Variants in KDM5C observed in about 807,000 individuals in gnomAD.
KDM5C encodes the protein lysine-specific demethylase 5C.
In KDM5C, 16 loss-of-function variants were observed where a neutral mutation model predicts 110.6. The ratio of observed to expected loss-of-function variants is 0.14; its 90% CI spans 0.10 to 0.22. The LOEUF is 0.22. Ranked by LOEUF, KDM5C falls within the 10% of genes least tolerant of loss-of-function variation. The probability of loss-of-function intolerance (pLI) is 1.00; values close to 1 mark genes in which losing one functional copy is unlikely to be tolerated. For missense variants in KDM5C, 681 were observed against 1,300.9 expected (o/e 0.52, Z 7.33); for synonymous variants, 511 against 520.4 (o/e 0.98, Z 0.24).
In KDM5C at chrX:53,218,411, T is replaced by C. The variant is rs373102986; in HGVS notation, c.229-13A>G. 5.8e-6 allele frequency: 7 copies of C among 1,210,423 alleles called. No homozygotes were observed. The highest frequency in any genetic ancestry group is 3.0e-5 in the East Asian group (1 of 33,820). On this transcript the variant is annotated splice_polypyrimidine_tract_variant and intron_variant, in intron 2 of 25. Transcript: ENST00000375401. ...CTCTCGTCTGGGCCTGAAGAAGAAATGGCTCAAAGAGGCTGGCCACCCCCT... is the reference window on the plus strand; with the variant it reads ...CTCTCGTCTGGGCCTGAAGAAGAAACGGCTCAAAGAGGCTGGCCACCCCCT...
Position 53,210,788 on chromosome X carries a change from T to C in KDM5C, c.1471A>G (p.Asn491Asp). ...ACCTTCATGCCAGAGATATCTGCATTGATGTGGCACAGTACAGACTGTTCC... is the reference window on the plus strand; with the variant it reads ...ACCTTCATGCCAGAGATATCTGCATCGATGTGGCACAGTACAGACTGTTCC... ...VLEQSVLCHINADISGMKVPW... is the reference protein window; with the variant it reads ...VLEQSVLCHIDADISGMKVPW... The change falls in exon 11 of 26, where the codon AAT becomes GAT. Residue 491 changes from asparagine to aspartate, a missense_variant. Physicochemically the swap from Asn to Asp is conservative, Grantham distance 23 (BLOSUM62 1). Coordinates refer to ENST00000375401, the MANE Select transcript of KDM5C (RefSeq NM_004187.5). 8.3e-7 allele frequency: 1 copy of C among 1,211,013 alleles called. No homozygotes were observed. Among genetic ancestry groups the C allele is most frequent in the Non-Finnish European group, 1.1e-6 (1 of 894,743 alleles).
chrX:53,196,185 G>T, intron 19 of KDM5C, 131 bp from the exon 20 acceptor site: 1 of 750,495 alleles, frequency 1.3e-6, no homozygotes, highest in Non-Finnish European at 2.0e-6. Flanking sequence ...GGGCCTACTT[G>T]CTTGTATTCC....
chrX:53,186,872 T>G (rs1316014919), downstream of KDM5C, among the ~76,000 whole-genome samples: 1 of 112,012 alleles, frequency 8.9e-6, no homozygotes, highest in Non-Finnish European at 1.9e-5. Flanking sequence ...GTGAAGGACT[T>G]GGAAATAACA....
chrX:53,194,763 A>C, intron 22 of KDM5C, 25 bp from the exon 23 acceptor site: 1 of 1,208,961 alleles, frequency 8.3e-7, no homozygotes, highest in Admixed American at 2.2e-5. Flanking sequence ...ACAGGAGCAA[A>C]GTGGGTCAGC....
intron 1 of KDM5C, among the ~76,000 whole-genome samples, chrX:53,223,405 C>T (rs1346534508): frequency 9.0e-6 from 1 of 110,964 alleles, no homozygotes; most frequent in Non-Finnish European, 1.9e-5. Flanking sequence ...ATTCGCTTAC[C>T]CAACACCTCC....
Position 53,192,881 on chromosome X carries a change from C to CCCCCCCCA in KDM5C, c.*85_*86insTGGGGGGG. On this transcript the variant is annotated 3_prime_UTR_variant, in exon 26 of 26. Transcript: ENST00000375401. ...TGGCCACCCCCCTACCCGCCCACCC[C>CCCCCCCCA]CCAAGAAGCAGGCTTGATGGTCAGA... is the stretch of plus-strand genomic sequence containing the variant. 9.5e-7 allele frequency: 1 copy of CCCCCCCCA among 1,054,422 alleles called. No individual in the cohort carries two copies. The highest frequency in any genetic ancestry group is 1.2e-6 in the Non-Finnish European group (1 of 802,807). 86.9% of individuals were successfully genotyped at this position (1,054,422 alleles called of 1,213,427 possible).
At position 53,198,516 on chromosome X, in the gene KDM5C, C is replaced by A; in HGVS notation, c.2490G>T (p.Leu830=). The A allele has an allele frequency of 8.3e-7, 1 of 1,205,996 alleles. No individual in the cohort carries two copies. Among genetic ancestry groups the A allele is most frequent in the Admixed American group, 2.2e-5 (1 of 45,325 alleles). The stretch of plus-strand genomic sequence containing the variant: ...CAGCTTCCTGGCCGCTGACCAGTCC[C>A]AGAGCTCGGGACACGCAAGCCTCTG... ...SEAEACVSRA[L]GLVSGQEAGP... The change falls in exon 17 of 26, where the codon CTG becomes CTT. Residue 830 remains leucine, a synonymous_variant. Transcript: ENST00000375401.
At position 53,201,465 on chromosome X, in the gene KDM5C, G is replaced by C. The variant is rs782351745; in HGVS notation, c.2061+85C>G. 4.4e-6 allele frequency: 4 copies of C among 912,451 alleles called. No homozygotes were observed. The East Asian group carries it at 1.2e-4, about 28-fold the overall frequency. 75.2% of individuals were successfully genotyped at this position (912,451 alleles called of 1,213,427 possible). On this transcript the variant is annotated intron_variant, in intron 14 of 25. Transcript: ENST00000375401. ...TAGTTCTTTTCACTATACGCCAAGA[G>C]TAGAGGCTACATCTTCTTGGTGCTG... is the stretch of plus-strand genomic sequence containing the variant.
chrX:53,190,168 G>C (rs1387039563), downstream of KDM5C, among the ~76,000 whole-genome samples: 1 of 112,519 alleles, frequency 8.9e-6, no homozygotes, highest in African/African-American at 3.2e-5. Context: ...CCTTTCTAGG[G>C]GAGTATCTGG....
chrX:53,194,292 A>G lies in KDM5C; in HGVS notation c.3885T>C (p.Ala1295=), dbSNP rs1934658440. 2 of 1,212,231 alleles carry G rather than the reference A, an allele frequency of 1.6e-6. No individual in the cohort carries two copies. ...GAGCAGTCACATCTTCAGAGGCCAGAGCCTGCCTGGCGCGGCCTTGCCAGC... is the reference window on the plus strand; with the variant it reads ...GAGCAGTCACATCTTCAGAGGCCAGGGCCTGCCTGGCGCGGCCTTGCCAGC... ...AISWQGRARQ[A]LASEDVTALL... The change falls in exon 23 of 26, where the codon GCT becomes GCC. Residue 1295 remains alanine (A), a synonymous_variant. Transcript: ENST00000375401.
At chrX:53,218,065 T>C (rs2073797340) in intron 3 of KDM5C, 99 bp from the exon 4 acceptor site, 3 of 949,143 alleles carry the variant, frequency 3.2e-6, no homozygotes, top group Admixed American at 2.5e-5. Context: ...AGGGCAACTC[T>C]AGTCCCTCAC....
intron 22 of KDM5C, 25 bp downstream of exon 22, chrX:53,194,906 C>T (rs1934719371): frequency 8.3e-7 from 1 of 1,210,190 alleles, no homozygotes; most frequent in Admixed American, 2.2e-5. Flanking sequence ...AAGCCCTTCT[C>T]CCCATCTGTG....
At chrX:53,194,821 C>T in intron 22 of KDM5C, 83 bp from the exon 23 acceptor site, 1 of 1,195,107 alleles carries the variant, frequency 8.4e-7, no homozygotes, top group Non-Finnish European at 1.1e-6. Context: ...CCCCCACTCC[C>T]AAACCAGGAG....
intron 1 of KDM5C, among the ~76,000 whole-genome samples, chrX:53,224,479 A>G (rs1334211712): frequency 8.9e-6 from 1 of 111,860 alleles, no homozygotes; most frequent in Non-Finnish European, 1.9e-5. Context: ...CCTCCGGCCC[A>G]CTAGGAATCC....
rs112752377 is a variant in KDM5C at position 53,220,442 on chromosome X, C to A, written c.228+397G>T. On this transcript the variant is annotated intron_variant, in intron 2 of 25. Transcript: ENST00000375401. ...ACCCATGGAAGCAAAGTAGAAAGCACAGGGCTGTGGATGAATTGGATATAT... is the reference window on the plus strand; with the variant it reads ...ACCCATGGAAGCAAAGTAGAAAGCAAAGGGCTGTGGATGAATTGGATATAT... Among the ~76,000 whole-genome samples the A allele has an allele frequency of 9.5e-3, 1,064 of 112,255 alleles. 5 individuals carry two copies. Among genetic ancestry groups the A allele is most frequent in the South Asian group, 0.015 (42 of 2,728 alleles).
intron 2 of KDM5C, chrX:53,218,649 G>A (rs1556853279): frequency 2.0e-5 from 9 of 449,924 alleles, no homozygotes; most frequent in Non-Finnish European, 3.2e-5. Flanking sequence ...AATCACGGCT[G>A]ACTGTAGACT....
chrX:53,190,698 G>T (rs1163888348), downstream of KDM5C, among the ~76,000 whole-genome samples: 1 of 111,793 alleles, frequency 8.9e-6, no homozygotes, highest in Non-Finnish European at 1.9e-5. Context: ...GTATAGCCTA[G>T]GGTCCCAACT....
rs781854557 is a variant in KDM5C at position 53,194,113 on chromosome X, G to A, written c.4038+26C>T. The A allele has an allele frequency of 2.5e-6, 3 of 1,184,640 alleles. No individual in the cohort carries two copies. In the Admixed American group the frequency reaches 7.2e-5, roughly 29 times the overall value. On this transcript the variant is annotated intron_variant, in intron 23 of 25. Transcript: ENST00000375401. Reference sequence around the variant, plus strand: ...AGGGGCTAGGAGACAAGAATCTGAGGACAAGAGCTGGGCTGAGTAGCTCAC... The same window carrying A: ...AGGGGCTAGGAGACAAGAATCTGAGAACAAGAGCTGGGCTGAGTAGCTCAC...
In KDM5C at chrX:53,194,641, C is replaced by T. The variant is rs1556834681; in HGVS notation, c.3536G>A (p.Ser1179Asn). 1 of 1,212,060 alleles carries T rather than the reference C, an allele frequency of 8.3e-7. No homozygotes were observed. The highest frequency in any genetic ancestry group is 2.2e-5 in the Admixed American group (1 of 46,116). The change falls in exon 23 of 26, where the codon AGC becomes AAC. Residue 1179 changes from serine (S) to asparagine (N), a missense_variant. Physicochemically the swap from Ser to Asn is conservative, Grantham distance 46. Transcript: ENST00000375401. ...SAKPSPLASS[S>N]TASSTTSICV... is the part of the protein sequence containing the mutation. ...GATAGAGGTTGTAGAGGAGGCCGTG[C>T]TCGATGATGCCAGTGGACTGGGCTT...
Sources: allele counts gnomAD v4.1 joint callset (sites outside exome capture counted in the v4.1 genomes callset), GRCh38; gene constraint gnomAD v4.1.1; transcripts MANE v1.5; gene names NCBI Gene and HGNC (gene_info 2026-07-23, HGNC 2026-07-21).